ITGB5: variants seen among roughly 807,000 people sequenced by gnomAD.
ITGB5 encodes integrin beta-5.
In ITGB5, 38 loss-of-function variants were observed where a neutral mutation model predicts 84.8. That is an observed-to-expected ratio of 0.45 (90% confidence interval 0.35 to 0.59). The LOEUF is 0.59. Among genes scored for constraint, ITGB5 ranks in the 20% least tolerant of loss-of-function variants. The pLI is 0.01. For missense variants in ITGB5, 905 were observed against 1,034.5 expected, an observed-to-expected ratio of 0.87 and a Z score of 1.72; for synonymous variants, 393 against 414.4, an observed-to-expected ratio of 0.95 and a Z score of 0.63.
At chr3:124,851,079 G>A (rs532132828) in intron 3 of ITGB5, among the ~76,000 whole-genome samples, 2 of 152,238 alleles carry the variant, frequency 1.3e-5, no homozygotes, top group South Asian at 2.1e-4. Flanking sequence ...ACTTTTTTAC[G>A]AATTATAAGA....
chr3:124,764,466 C>A lies in ITGB5; in HGVS notation c.2229G>T (p.Lys743Asn). Residue 743 changes from lysine to asparagine, a missense_variant, in exon 14 of 15, where the codon AAG becomes AAT. Transcript: ENST00000296181. ...TCCGGTCGTGGATGGTGACAAGCAG[C>A]TTCCAGATAGCCAGGAGTGCAAGCC... ...LVGLALLAIW[K>N]LLVTIHDRRE... 1 of 1,614,168 alleles carries A rather than the reference C, an allele frequency of 6.2e-7. No individual in the cohort carries two copies. The highest frequency in any genetic ancestry group is 8.5e-7 in the Non-Finnish European group (1 of 1,180,030).
chr3:124,875,649 G>A (rs1331950758), intron 1 of ITGB5, among the ~76,000 whole-genome samples: 2 of 152,032 alleles, frequency 1.3e-5, no homozygotes, highest in African/African-American at 4.8e-5. Flanking sequence ...ATTCCACTTC[G>A]GGGTATATAG....
At chr3:124,851,616 C>CAT (rs2065155968) in intron 3 of ITGB5, among the ~76,000 whole-genome samples, 1 of 143,948 alleles carries the variant, frequency 6.9e-6, no homozygotes, top group African/African-American at 2.9e-5. Flanking sequence ...AAAACACACA[C>CAT]ACACACACAC....
intron 5 of ITGB5, among the ~76,000 whole-genome samples, chr3:124,829,357 G>A (rs573132881): frequency 6.6e-6 from 1 of 152,348 alleles, no homozygotes; most frequent in Admixed American, 6.5e-5. Context: ...CGTTAGGAGC[G>A]CGTGGGGCGG....
At chr3:124,834,312 G>A (rs1456196568) in intron 5 of ITGB5, among the ~76,000 whole-genome samples, 2 of 151,842 alleles carry the variant, frequency 1.3e-5, no homozygotes, top group Non-Finnish European at 1.5e-5. Flanking sequence ...GGGGGAGGTT[G>A]TGTGCGCAGT....
intron 14 of ITGB5, among the ~76,000 whole-genome samples, chr3:124,764,054 A>T (rs996692157): frequency 1.3e-5 from 2 of 152,102 alleles, no homozygotes; most frequent in Admixed American, 1.3e-4. Context: ...GGGTGACCAG[A>T]CTGCAGGTGT....
chr3:124,879,800 C>T (rs1045693956), intron 1 of ITGB5, among the ~76,000 whole-genome samples: 1 of 152,112 alleles, frequency 6.6e-6, no homozygotes, highest in Non-Finnish European at 1.5e-5. Context: ...GAGGGATATT[C>T]GTAACATATC....
chr3:124,782,497 T>G (rs2064019044), intron 10 of ITGB5, among the ~76,000 whole-genome samples: 1 of 152,180 alleles, frequency 6.6e-6, no homozygotes, highest in African/African-American at 2.4e-5. Context: ...GAATCCAAAT[T>G]AGACTGAGTT....
intron 8 of ITGB5, among the ~76,000 whole-genome samples, chr3:124,815,317 A>AG (rs916090640): frequency 6.6e-6 from 1 of 152,224 alleles, no homozygotes; most frequent in African/African-American, 2.4e-5. Flanking sequence ...CGCCAGGAGC[A>AG]GGGGGCCTGG....
upstream of ITGB5, chr3:124,887,888 G>A (rs970059006): frequency 3.9e-6 from 1 of 254,356 alleles, no homozygotes; most frequent in Non-Finnish European, 8.1e-6. Context: ...GGGCGTGGAG[G>A]CACAAGTAAA....
intron 1 of ITGB5, among the ~76,000 whole-genome samples, chr3:124,893,815 C>A (rs964668027): frequency 5.3e-5 from 8 of 152,084 alleles, no homozygotes; most frequent in Non-Finnish European, 1.2e-4. Context: ...AACGGAGTAC[C>A]AAACAAGTCT....
intron 1 of ITGB5, among the ~76,000 whole-genome samples, chr3:124,899,666 C>A (rs1181057174): frequency 6.6e-6 from 1 of 151,786 alleles, no homozygotes; most frequent in Non-Finnish European, 1.5e-5. Flanking sequence ...CCAGCCTGGG[C>A]AGCATAGTGA....
chr3:124,879,085 C>T (rs1020554640), intron 1 of ITGB5, among the ~76,000 whole-genome samples: 4 of 152,174 alleles, frequency 2.6e-5, no homozygotes, highest in Non-Finnish European at 4.4e-5. Context: ...AAGGAGCCAC[C>T]GCATCCGGTT....
Position 124,848,495 on chromosome 3 carries a change from T to C in ITGB5, c.425A>G (p.Tyr142Cys), listed in dbSNP as rs2065107537. ...CATGGACAGGGAGAGGTCCATCAGG[T>C]AGTACAGGTCCACAGGATAGTCCTC... ...QVEDYPVDLY[Y>C]LMDLSLSMKD... The change falls in exon 4 of 15, where the codon TAC (tyrosine) becomes TGC (cysteine). Residue 142 changes from tyrosine to cysteine, a missense_variant. By Grantham distance (194) the Tyr-to-Cys change is radical (BLOSUM62 -2). Transcript: ENST00000296181. The C allele has an allele frequency of 6.2e-7, 1 of 1,614,104 alleles. No individual in the cohort carries two copies. Among genetic ancestry groups the C allele is most frequent in the Non-Finnish European group, 8.5e-7 (1 of 1,180,006 alleles).
intron 1 of ITGB5, among the ~76,000 whole-genome samples, chr3:124,885,281 A>G (rs1264024743): frequency 6.6e-6 from 1 of 152,158 alleles, no homozygotes; most frequent in Non-Finnish European, 1.5e-5. Context: ...AAAAAAAAAA[A>G]ATTATTTGCA....
chr3:124,840,003 T>C (rs1437058383), intron 5 of ITGB5, among the ~76,000 whole-genome samples: 1 of 152,258 alleles, frequency 6.6e-6, no homozygotes, highest in Non-Finnish European at 1.5e-5. Flanking sequence ...CTGCTTTCTT[T>C]ACATTTTACC....
intron 10 of ITGB5, among the ~76,000 whole-genome samples, chr3:124,782,974 C>CTTTTT (rs11370689): frequency 2.0e-5 from 3 of 151,522 alleles, no homozygotes; most frequent in African/African-American, 4.9e-5. Context: ...CCCTTTCTTT[C>CTTTTT]TTTTTTTTCT....
At chr3:124,804,498 T>C (rs1432090830) in intron 9 of ITGB5, among the ~76,000 whole-genome samples, 3 of 152,066 alleles carry the variant, frequency 2.0e-5, no homozygotes, top group Admixed American at 1.3e-4. Context: ...CAGTCCACTA[T>C]GATCAAGCCA....
intron 4 of ITGB5, among the ~76,000 whole-genome samples, chr3:124,843,878 T>C (rs1406633097): frequency 6.6e-6 from 1 of 151,924 alleles, no homozygotes; most frequent in African/African-American, 2.4e-5. Flanking sequence ...AAAATATATA[T>C]GGTTAAAGAG....
Sources: gnomAD v4.1 joint callset for allele counts (sites outside exome capture counted in the v4.1 genomes callset) on GRCh38, gnomAD v4.1.1 for gene constraint, MANE v1.5 for transcripts, NCBI Gene and HGNC (gene_info 2026-07-23, HGNC 2026-07-21) for gene names.